SEM1: variants seen among roughly 807,000 people sequenced by gnomAD.
SEM1 encodes SEM1 26S proteasome subunit.
In SEM1, 3 loss-of-function variants were observed where a neutral mutation model predicts 12.7. The ratio of observed to expected loss-of-function variants is 0.24; its 90% CI spans 0.11 to 0.61. The LOEUF (loss-of-function observed/expected upper bound fraction) is 0.61. Ranked by LOEUF, SEM1 falls within the 20% of genes least tolerant of loss-of-function variation. The pLI is 0.88. For missense variants in SEM1, 59 were observed against 81.3 expected (o/e 0.73, Z 1.06); for synonymous variants, 30 against 27.8 (o/e 1.08, Z -0.25).
intron 2 of SEM1, among the ~76,000 whole-genome samples, chr7:96,540,658 C>A (rs999095538): frequency 3.3e-5 from 5 of 151,694 alleles, no homozygotes; most frequent in Admixed American, 1.3e-4. Context: ...AACATTTGCA[C>A]GTTTGTTACA....
At chr7:96,528,366 A>G (rs1804537185) in intron 2 of SEM1, among the ~76,000 whole-genome samples, 1 of 151,970 alleles carries the variant, frequency 6.6e-6, no homozygotes, top group Non-Finnish European at 1.5e-5. Flanking sequence ...TAATTTTTGT[A>G]ATTTTACTAG....
At chr7:96,696,827 G>C (rs142719768) in intron 1 of SEM1, 19 of 152,024 alleles carry the variant, frequency 1.2e-4, no homozygotes, top group African/African-American at 4.3e-4. Flanking sequence ...TGAAAAAGCT[G>C]TAACTATTGT....
At chr7:96,659,925 A>AAC (rs952099748) in intron 2 of SEM1, among the ~76,000 whole-genome samples, 8 of 148,848 alleles carry the variant, frequency 5.4e-5, no homozygotes, top group African/African-American at 2.0e-4. Flanking sequence ...AAAAAAAAAA[A>AAC]AAAAACAAAA....
chr7:96,545,013 T>C lies in SEM1; in HGVS notation c.171-38315A>G, dbSNP rs527712388. On this transcript the variant is annotated intron_variant and NMD_transcript_variant, in intron 2 of 3. Transcript: ENST00000466986. ...GGTCAGCTGTCTTTTAAAGGCTTAT[T>C]TATGATCCCTTACTCGTAACCACTT... Among the ~76,000 whole-genome samples the C allele has an allele frequency of 3.3e-5, 5 of 152,150 alleles. No homozygotes were observed. In the South Asian group the frequency reaches 6.2e-4, roughly 19 times the overall value.
chr7:96,592,730 C>A (rs1039100050), intron 2 of SEM1, among the ~76,000 whole-genome samples: 2 of 151,802 alleles, frequency 1.3e-5, no homozygotes, highest in Non-Finnish European at 2.9e-5. Flanking sequence ...ATTTTCTTAA[C>A]AGGGTTTCAA....
At chr7:96,630,957 T>A (rs1808240689) in intron 2 of SEM1, among the ~76,000 whole-genome samples, 3 of 152,228 alleles carry the variant, frequency 2.0e-5, no homozygotes, top group Non-Finnish European at 4.4e-5. Flanking sequence ...AAAGGGGACC[T>A]CATGACTCTG....
upstream of SEM1, among the ~76,000 whole-genome samples, chr7:96,499,444 G>C (rs1201308156): frequency 6.6e-6 from 1 of 152,210 alleles, no homozygotes; most frequent in Non-Finnish European, 1.5e-5. Flanking sequence ...GAGTAGCCCT[G>C]TGCCGGGTGG....
intron 2 of SEM1, among the ~76,000 whole-genome samples, chr7:96,584,515 G>C (rs900489502): frequency 1.3e-5 from 2 of 152,048 alleles, no homozygotes; most frequent in Non-Finnish European, 2.9e-5. Context: ...ACGTTGGCCT[G>C]CCTTGCTAGA....
chr7:96,587,039 C>T (rs116301386), intron 2 of SEM1, among the ~76,000 whole-genome samples: 1,991 of 152,150 alleles, frequency 0.013, 39 homozygotes, highest in African/African-American at 0.046. Context: ...CAAGAGTCCA[C>T]AGCTTCATCC....
At chr7:96,546,186 A>G (rs1050612205) in intron 2 of SEM1, among the ~76,000 whole-genome samples, 2 of 152,124 alleles carry the variant, frequency 1.3e-5, no homozygotes, top group African/African-American at 2.4e-5. Flanking sequence ...AACAACTGCC[A>G]AGACTGATCG....
At chr7:96,702,305 G>A (rs1790297396) in intron 1 of SEM1, among the ~76,000 whole-genome samples, 1 of 152,112 alleles carries the variant, frequency 6.6e-6, no homozygotes, top group South Asian at 2.1e-4. Flanking sequence ...TAGAGGGTCT[G>A]GGAGCAGGAA....
intron 2 of SEM1, among the ~76,000 whole-genome samples, chr7:96,533,581 G>A (rs1264935806): frequency 6.6e-6 from 1 of 152,120 alleles, no homozygotes; most frequent in Non-Finnish European, 1.5e-5. Context: ...AGCTTGTGAA[G>A]GTAGCAGAAA....
chr7:96,588,546 C>A (rs1428808642), intron 2 of SEM1, among the ~76,000 whole-genome samples: 3 of 152,026 alleles, frequency 2.0e-5, no homozygotes, highest in Non-Finnish European at 4.4e-5. Context: ...ACTCTCTTTT[C>A]TTTCCATTTT....
chr7:96,700,387 C>T (rs1373717991), intron 1 of SEM1, among the ~76,000 whole-genome samples: 1 of 152,092 alleles, frequency 6.6e-6, no homozygotes, highest in East Asian at 1.9e-4. Flanking sequence ...TACACTCATC[C>T]CTCGGTATAC....
At chr7:96,577,395 G>A (rs1035647533) in intron 2 of SEM1, among the ~76,000 whole-genome samples, 7 of 151,562 alleles carry the variant, frequency 4.6e-5, no homozygotes, top group Non-Finnish European at 8.8e-5. Flanking sequence ...TGACTCTTTG[G>A]GTGAAAAGGT....
intron 2 of SEM1, among the ~76,000 whole-genome samples, chr7:96,563,041 G>C (rs894208105): frequency 1.3e-5 from 2 of 152,164 alleles, no homozygotes; most frequent in African/African-American, 4.8e-5. Flanking sequence ...GCTAAACAGA[G>C]AATTGATTAA....
At chr7:96,681,770 C>T (rs946567874) in intron 2 of SEM1, among the ~76,000 whole-genome samples, 1 of 152,138 alleles carries the variant, frequency 6.6e-6, no homozygotes, top group Non-Finnish European at 1.5e-5. Flanking sequence ...CAGTACCATG[C>T]TGTTTTGGTT....
At chr7:96,593,353 A>G (rs1806893788) in intron 2 of SEM1, among the ~76,000 whole-genome samples, 1 of 152,206 alleles carries the variant, frequency 6.6e-6, no homozygotes, top group Non-Finnish European at 1.5e-5. Context: ...TTGACTATAC[A>G]TGTAAGTGTG....
chr7:96,515,911 G>A (rs1804080328), intron 2 of SEM1, among the ~76,000 whole-genome samples: 3 of 152,056 alleles, frequency 2.0e-5, no homozygotes, highest in Admixed American at 2.0e-4. Context: ...AGCATTAGGA[G>A]AAATACCTAA....
Sources: allele counts gnomAD v4.1 joint callset (sites outside exome capture counted in the v4.1 genomes callset), GRCh38; gene constraint gnomAD v4.1.1; transcripts MANE v1.5; gene names NCBI Gene and HGNC (gene_info 2026-07-23, HGNC 2026-07-21).